Variants in MLLT3 observed in about 807,000 individuals in gnomAD.
MLLT3 encodes the protein MLLT3 super elongation complex subunit, also known as protein AF-9.
Under a neutral mutation model 53.2 loss-of-function variants are expected in MLLT3, and 4 were observed. The ratio of observed to expected loss-of-function variants is 0.08; its 90% CI spans 0.04 to 0.17. MLLT3 has a LOEUF of 0.17. Ranked by LOEUF, MLLT3 falls within the 10% of genes least tolerant of loss-of-function variation. The probability of loss-of-function intolerance (pLI) is 1.00; values close to 1 mark genes in which losing one functional copy is unlikely to be tolerated. For missense variants in MLLT3, 569 were observed against 684.0 expected (o/e 0.83, Z 1.87); for synonymous variants, 283 against 230.6 (o/e 1.23, Z -2.06).
At chr9:20,440,769 T>C (rs1004679013) in intron 4 of MLLT3, among the ~76,000 whole-genome samples, 4 of 152,198 alleles carry the variant, frequency 2.6e-5, no homozygotes, top group African/African-American at 9.6e-5. Flanking sequence ...TATTTCTTAA[T>C]CTGAAACTTC....
intron 4 of MLLT3, among the ~76,000 whole-genome samples, chr9:20,431,151 T>G (rs1178484670): frequency 2.6e-5 from 4 of 152,158 alleles, no homozygotes; most frequent in Non-Finnish European, 4.4e-5. Flanking sequence ...AAACCAAGGC[T>G]AAATAGGTGA....
chr9:20,536,831 G>C (rs530741199), intron 2 of MLLT3, among the ~76,000 whole-genome samples: 126 of 151,708 alleles, frequency 8.3e-4, no homozygotes, highest in African/African-American at 2.9e-3. Context: ...GACTCCTGCA[G>C]GTAGTAGCTG....
rs75686328 is a variant in MLLT3, at chr9:20,342,720, C to T, written c.*3723G>A. 1.5e-3 allele frequency: 303 copies of T among 205,420 alleles called. 6 individuals are homozygous for T. In the East Asian group the frequency reaches 0.021, roughly 14 times the overall value. The allele number at this position is 205,420 out of a possible 1,614,324, so 12.7% of individuals were successfully genotyped here. ...TGTAGACTTCCAGCCCGAGACTAAA[C>T]TAAACCATGGGAATTGACTCCTTAA... On this transcript the variant is annotated 3_prime_UTR_variant, in exon 11 of 11. Transcript: ENST00000380338.
Position 20,365,732 on chromosome 9 carries a change from T to G in MLLT3, c.1138A>C (p.Ser380Arg). Residue 380 changes from serine (S) to arginine (R), a missense_variant, in exon 6 of 11, where the codon AGT becomes CGT. Physicochemically the swap from Ser to Arg is moderately radical, Grantham distance 110 (BLOSUM62 -1). This residue lies in a region of MLLT3 where 437 missense variants were observed against 376.5 expected (regional missense o/e 1.16). Coordinates refer to ENST00000380338, the MANE Select transcript of MLLT3 (RefSeq NM_004529.4). ...ISSKSDSEQP[S>R]PASSSSSSSS... ...GAGCTGGAGCTGGAGCTGGCAGGACTGGGTTGTTCAGACTTTAAAGAAGAA... is the reference window on the plus strand; with the variant it reads ...GAGCTGGAGCTGGAGCTGGCAGGACGGGGTTGTTCAGACTTTAAAGAAGAA... The G allele has an allele frequency of 6.2e-7, 1 of 1,614,198 alleles. No homozygotes were observed. Among genetic ancestry groups the G allele is most frequent in the Non-Finnish European group, 8.5e-7 (1 of 1,180,020 alleles).
intron 4 of MLLT3, among the ~76,000 whole-genome samples, chr9:20,426,466 A>C (rs945731037): frequency 2.6e-5 from 4 of 152,174 alleles, no homozygotes; most frequent in Non-Finnish European, 5.9e-5. Context: ...TGGAAGTATA[A>C]AATGAAAAAC....
chr9:20,450,805 T>A lies in MLLT3; in HGVS notation c.277-2539A>T, dbSNP rs543535627. On this transcript the variant is annotated intron_variant, in intron 3 of 10. Transcript: ENST00000380338. ...ATTTTTTATTTATCTGTCTATCCTC[T>A]AAGTTATAAAACAGAAGATGTAACT... Among the ~76,000 whole-genome samples the A allele has an allele frequency of 4.6e-5, 7 of 152,334 alleles. No homozygotes were observed. The East Asian group carries it at 1.3e-3, about 29-fold the overall frequency.
chr9:20,510,856 T>A (rs1825517653), intron 2 of MLLT3, among the ~76,000 whole-genome samples: 1 of 152,286 alleles, frequency 6.6e-6, no homozygotes, highest in African/African-American at 2.4e-5. Flanking sequence ...AGCACCAGCA[T>A]TTAAAGATAT....
At chr9:20,504,977 G>A (rs967707565) in intron 2 of MLLT3, among the ~76,000 whole-genome samples, 1 of 152,008 alleles carries the variant, frequency 6.6e-6, no homozygotes, top group Non-Finnish European at 1.5e-5. Context: ...CCAAAAGTAG[G>A]AAAAATTACT....
intron 2 of MLLT3, among the ~76,000 whole-genome samples, chr9:20,593,164 A>C (rs1396608280): frequency 6.6e-6 from 1 of 152,208 alleles, no homozygotes; most frequent in Admixed American, 6.5e-5. Context: ...ATAAAAAAAC[A>C]AGGGCTTCAA....
At position 20,413,856 on chromosome 9, in the gene MLLT3, T is replaced by G; in HGVS notation, c.990A>C (p.Lys330Asn). Reference sequence around the variant, plus strand: ...TGACCTTTCCCATCTTGACATGAGATTTATCTTTTATCTGTTTTTTGTCAG... The same window carrying G: ...TGACCTTTCCCATCTTGACATGAGAGTTATCTTTTATCTGTTTTTTGTCAG... ...CSADKKQIKD[K>N]SHVKMGKVKI... is the part of the protein sequence containing the mutation. Residue 330 changes from lysine (K) to asparagine (N), a missense_variant, in exon 5 of 11, where the codon AAA becomes AAC. Transcript: ENST00000380338. 1 of 1,614,092 alleles carries G rather than the reference T, an allele frequency of 6.2e-7. No homozygotes were observed. Among genetic ancestry groups the G allele is most frequent in the Non-Finnish European group, 8.5e-7 (1 of 1,180,020 alleles).
intron 2 of MLLT3, among the ~76,000 whole-genome samples, chr9:20,546,631 G>A (rs1181615304): frequency 4.6e-5 from 7 of 151,940 alleles, no homozygotes; most frequent in Admixed American, 3.3e-4. Flanking sequence ...GCATACCTGC[G>A]AATGACCCTG....
chr9:20,512,230 T>C (rs1817770139), intron 2 of MLLT3, among the ~76,000 whole-genome samples: 2 of 152,244 alleles, frequency 1.3e-5, no homozygotes, highest in Non-Finnish European at 2.9e-5. Flanking sequence ...ATCTGGCTCC[T>C]GATCTGAAAT....
chr9:20,532,417 G>A (rs16938091), intron 2 of MLLT3: 8,974 of 162,860 alleles, frequency 0.055, 865 homozygotes, highest in African/African-American at 0.2. Flanking sequence ...GTTCATAATC[G>A]TAAAAAATTA....
chr9:20,502,228 G>C (rs1332456362), intron 2 of MLLT3: 1 of 154,078 alleles, frequency 6.5e-6, no homozygotes, highest in African/African-American at 2.4e-5. Flanking sequence ...GCTTGACAGG[G>C]CACCACAAAT....
At chr9:20,389,707 G>T (rs918576799) in intron 5 of MLLT3, among the ~76,000 whole-genome samples, 1 of 152,070 alleles carries the variant, frequency 6.6e-6, no homozygotes, top group African/African-American at 2.4e-5. Context: ...TTGAACCCAA[G>T]AGTTCAAGGT....
At chr9:20,490,863 T>C (rs186424061) in intron 2 of MLLT3, among the ~76,000 whole-genome samples, 1 of 152,236 alleles carries the variant, frequency 6.6e-6, no homozygotes, top group East Asian at 1.9e-4. Flanking sequence ...AATAATCTGC[T>C]TAAGAACACA....
intron 2 of MLLT3, among the ~76,000 whole-genome samples, chr9:20,474,532 C>G (rs1343350203): frequency 6.6e-6 from 1 of 152,090 alleles, no homozygotes; most frequent in Non-Finnish European, 1.5e-5. Flanking sequence ...AAGGCTCGGT[C>G]TACCACCAAA....
chr9:20,395,077 G>A (rs547510380), intron 5 of MLLT3, among the ~76,000 whole-genome samples: 53 of 152,236 alleles, frequency 3.5e-4, no homozygotes, highest in Middle Eastern at 3.4e-3. Flanking sequence ...AAACCATAGC[G>A]TCTCCCAAGG....
intron 4 of MLLT3, among the ~76,000 whole-genome samples, chr9:20,433,430 G>T (rs895665631): frequency 3.3e-5 from 5 of 152,042 alleles, no homozygotes; most frequent in African/African-American, 4.8e-5. Flanking sequence ...GGAAAAATGG[G>T]ATATTTACAT....
Sources: gnomAD v4.1 joint callset for allele counts (sites outside exome capture counted in the v4.1 genomes callset) on GRCh38, gnomAD v4.1.1 for gene constraint, gnomAD v4.1.1 regional missense constraint, MANE v1.5 for transcripts, NCBI Gene and HGNC (gene_info 2026-07-23, HGNC 2026-07-21) for gene names.